Variants in PDE1A observed in about 807,000 individuals in gnomAD.
The protein encoded by PDE1A is dual specificity calcium/calmodulin-dependent 3',5'-cyclic nucleotide phosphodiesterase 1A.
PDE1A carries 35 observed loss-of-function variants against 61.7 expected under a neutral mutation model. That is an observed-to-expected ratio of 0.57 (90% CI 0.43 to 0.75). The LOEUF is 0.75. PDE1A is among the 30% of genes least tolerant of loss of function. PDE1A has a pLI of 0.00. For missense variants in PDE1A, 597 were observed against 630.6 expected, an observed-to-expected ratio of 0.95 and a Z score of 0.57; for synonymous variants, 232 against 213.2, an observed-to-expected ratio of 1.09 and a Z score of -0.77.
chr2:182,533,774 T>C, the PDE1A span, among the ~76,000 whole-genome samples: 9 of 152,196 alleles, frequency 5.9e-5, no homozygotes, highest in African/African-American at 2.2e-4. Context: ...TCATATAAAG[T>C]TTAATGTTGA....
In PDE1A at chr2:182,519,946, C is replaced by T. The variant is rs557788184; in HGVS notation, c.101+2330G>A. On this transcript the variant is annotated intron_variant, in intron 2 of 14. Coordinates refer to the PDE1A transcript ENST00000410103. ...AGTACAAGATTTTAAAAATCACTTT[C>T]TAAACAAATATCTAAAGGTCTTTAG... is the stretch of plus-strand genomic sequence containing the variant. 8.1e-4 allele frequency among the ~76,000 whole-genome samples: 123 copies of T among 151,948 alleles called. 1 individual carries two copies. The highest frequency in any genetic ancestry group is 1.2e-3 in the East Asian group (6 of 5,184).
the PDE1A span, among the ~76,000 whole-genome samples, chr2:182,580,053 C>T: frequency 6.6e-6 from 1 of 152,160 alleles, no homozygotes; most frequent in East Asian, 1.9e-4. Flanking sequence ...ATAACTACTC[C>T]TTTGATAACT....
chr2:182,161,820 A>T (rs897253764), intron 13 of PDE1A, among the ~76,000 whole-genome samples: 31 of 152,160 alleles, frequency 2.0e-4, no homozygotes, highest in African/African-American at 7.2e-4. Context: ...ATAAGGTCAA[A>T]TTTATTGATA....
intron 7 of PDE1A, among the ~76,000 whole-genome samples, chr2:182,218,344 C>T (rs1490967427): frequency 3.3e-5 from 5 of 150,808 alleles, no homozygotes; most frequent in African/African-American, 1.2e-4. Context: ...GGGTGCAGTG[C>T]ACCAGCATGG....
At chr2:182,658,061 A>AAAC in the PDE1A span, among the ~76,000 whole-genome samples, 1 of 112,930 alleles carries the variant, frequency 8.9e-6, no homozygotes, top group Non-Finnish European at 2.0e-5. Context: ...AAAAAAAAAA[A>AAAC]AAAAAAAAAA....
chr2:182,247,361 A>G (rs1230220749), intron 2 of PDE1A, among the ~76,000 whole-genome samples: 1 of 152,220 alleles, frequency 6.6e-6, no homozygotes, highest in East Asian at 1.9e-4. Flanking sequence ...AGAGTAAGAA[A>G]CTTCTAATGA....
chr2:182,572,768 G>A, the PDE1A span, among the ~76,000 whole-genome samples: 1 of 151,292 alleles, frequency 6.6e-6, no homozygotes, highest in Non-Finnish European at 1.5e-5. Context: ...TACTCGGGAG[G>A]TGAGGCAGGA....
intron 2 of PDE1A, among the ~76,000 whole-genome samples, chr2:182,450,373 A>C (rs1685429747): frequency 6.6e-6 from 1 of 152,112 alleles, no homozygotes; most frequent in Non-Finnish European, 1.5e-5. Flanking sequence ...CTGAAAAAAT[A>C]AGCTATGAAA....
intron 10 of PDE1A, among the ~76,000 whole-genome samples, chr2:182,197,546 A>G (rs1160379858): frequency 6.6e-6 from 1 of 150,460 alleles, no homozygotes; most frequent in Non-Finnish European, 1.5e-5. Flanking sequence ...TTTGTCTTAA[A>G]CTCCTTAATT....
intron 2 of PDE1A, among the ~76,000 whole-genome samples, chr2:182,466,440 CT>C (rs2125787536): frequency 6.6e-6 from 1 of 152,002 alleles, no homozygotes; most frequent in South Asian, 2.1e-4. Flanking sequence ...TTTAGTTCTC[CT>C]AGAAAATGTA....
intron 1 of PDE1A, among the ~76,000 whole-genome samples, chr2:182,361,904 TTTGA>T (rs879894242): frequency 6.6e-6 from 1 of 152,136 alleles, no homozygotes; most frequent in Non-Finnish European, 1.5e-5. Flanking sequence ...TGCCAAGTTC[TTTGA>T]TTGAGGACAT....
chr2:182,494,825 C>T (rs1688611279), intron 2 of PDE1A, among the ~76,000 whole-genome samples: 1 of 152,164 alleles, frequency 6.6e-6, no homozygotes, highest in Non-Finnish European at 1.5e-5. Context: ...AGAAACAGCA[C>T]ACTTTTATAT....
At chr2:182,346,171 G>A (rs1415513769) in intron 1 of PDE1A, among the ~76,000 whole-genome samples, 7 of 152,104 alleles carry the variant, frequency 4.6e-5, no homozygotes, top group East Asian at 1.9e-4. Flanking sequence ...GTTTACTAGT[G>A]TAAACATTTA....
the PDE1A span, among the ~76,000 whole-genome samples, chr2:182,648,165 T>C: frequency 3.9e-5 from 6 of 152,246 alleles, no homozygotes; most frequent in Non-Finnish European, 8.8e-5. Context: ...AACAAGTGCC[T>C]CACGTGTTCC....
At chr2:182,540,366 GAAAAA>G in the PDE1A span, among the ~76,000 whole-genome samples, 15 of 108,392 alleles carry the variant, frequency 1.4e-4, 1 homozygote, top group South Asian at 4.8e-3. Flanking sequence ...CTGTCTCAAA[GAAAAA>G]AAAAAAAAAA....
chr2:182,245,546 T>A (rs1690881959), intron 2 of PDE1A, among the ~76,000 whole-genome samples: 1 of 152,180 alleles, frequency 6.6e-6, no homozygotes, highest in Non-Finnish European at 1.5e-5. Flanking sequence ...ACAACCACTA[T>A]CTTTTTGCTG....
intron 2 of PDE1A, among the ~76,000 whole-genome samples, chr2:182,473,435 A>G (rs1164257866): frequency 2.0e-5 from 3 of 151,942 alleles, no homozygotes; most frequent in Non-Finnish European, 4.4e-5. Context: ...TTTACAAGAA[A>G]AAAACAAACA....
chr2:182,175,171 T>C (rs551613331), intron 13 of PDE1A, among the ~76,000 whole-genome samples: 1 of 152,312 alleles, frequency 6.6e-6, no homozygotes, highest in Non-Finnish European at 1.5e-5. Flanking sequence ...TGGTTCCAAG[T>C]CTTTGCTATT....
intron 2 of PDE1A, among the ~76,000 whole-genome samples, chr2:182,503,062 CACACACACACAT>C (rs776423556): frequency 0.076 from 4,019 of 52,908 alleles, 87 homozygotes; most frequent in South Asian, 0.15. Flanking sequence ...CACACACACA[CACACACACACAT>C]ACACACACAC....
Sources: allele counts gnomAD v4.1 joint callset (sites outside exome capture counted in the v4.1 genomes callset), GRCh38; gene constraint gnomAD v4.1.1; transcripts MANE v1.5; gene names NCBI Gene and HGNC (gene_info 2026-07-23, HGNC 2026-07-21).